Variants in TMTC2 observed in about 807,000 individuals in gnomAD.
TMTC2 encodes the protein transmembrane O-mannosyltransferase targeting cadherins 2.
Under a neutral mutation model 82.4 loss-of-function variants are expected in TMTC2, and 43 were observed. The observed-to-expected ratio is 0.52, with a 90% CI of 0.41 to 0.67. The LOEUF (loss-of-function observed/expected upper bound fraction) is 0.67, where lower values mean the gene tolerates loss of function less well. Among genes scored for constraint, TMTC2 ranks in the 30% least tolerant of loss-of-function variants. The pLI, the probability that TMTC2 is intolerant of heterozygous loss-of-function variation, is 0.00. For synonymous variants in TMTC2, 408 were observed against 381.9 expected (o/e 1.07, Z -0.80); for missense variants, 919 against 1,012.4 (o/e 0.91, Z 1.25).
chr12:82,992,163 C>T (rs1231426794), intron 8 of TMTC2, among the ~76,000 whole-genome samples: 2 of 152,132 alleles, frequency 1.3e-5, no homozygotes, highest in African/African-American at 4.8e-5. Flanking sequence ...ACAGAAAAGT[C>T]CCATACCCCA....
At chr12:82,909,405 T>C (rs1279097329) in intron 3 of TMTC2, among the ~76,000 whole-genome samples, 1 of 152,160 alleles carries the variant, frequency 6.6e-6, no homozygotes, top group Non-Finnish European at 1.5e-5. Context: ...AGTGGTGCGA[T>C]CTCGGATCAC....
intron 3 of TMTC2, among the ~76,000 whole-genome samples, chr12:82,925,025 C>T (rs1716389283): frequency 6.6e-6 from 1 of 152,158 alleles, no homozygotes; most frequent in Non-Finnish European, 1.5e-5. Flanking sequence ...CTGGAAACAT[C>T]AAGTTCATTT....
At chr12:83,111,191 T>C (rs1023632395) in intron 11 of TMTC2, among the ~76,000 whole-genome samples, 33 of 152,244 alleles carry the variant, frequency 2.2e-4, no homozygotes, top group African/African-American at 8.0e-4. Context: ...ATGATGCACT[T>C]TGTGCAACTC....
At chr12:83,042,230 A>G (rs1009899521) in intron 9 of TMTC2, among the ~76,000 whole-genome samples, 7 of 152,176 alleles carry the variant, frequency 4.6e-5, no homozygotes, top group African/African-American at 9.7e-5. Flanking sequence ...CTCCATTCTC[A>G]TTACTGCTCT....
Position 82,845,144 on chromosome 12 carries a change from G to A in TMTC2, c.84-11866G>A, listed in dbSNP as rs572982232. On this transcript the variant is annotated intron_variant, in intron 1 of 11. Coordinates refer to ENST00000321196, the MANE Select transcript of TMTC2 (RefSeq NM_152588.3). ...CTTGGGAGGCTGAGACAGGAGAATC[G>A]CTTGAACCTGGGAGACAGAGGTTGC... 1.7e-3 allele frequency among the ~76,000 whole-genome samples: 240 copies of A among 141,254 alleles called. 2 individuals carry two copies. Among genetic ancestry groups the A allele is most frequent in the African/African-American group, 6.2e-3 (231 of 37,506 alleles). The allele number at this position is 141,254 out of a possible 152,430, so 92.7% of individuals were successfully genotyped here.
At chr12:82,910,969 C>T (rs943746950) in intron 3 of TMTC2, among the ~76,000 whole-genome samples, 2 of 152,078 alleles carry the variant, frequency 1.3e-5, no homozygotes, top group Admixed American at 6.5e-5. Context: ...CAACCTCCAC[C>T]ACCCGGTTTC....
intron 1 of TMTC2, among the ~76,000 whole-genome samples, chr12:82,734,449 A>C (rs1874985627): frequency 6.6e-6 from 1 of 152,172 alleles, no homozygotes; most frequent in Non-Finnish European, 1.5e-5. Flanking sequence ...TTCCTACTCA[A>C]GTGCCAACCC....
At chr12:82,940,519 G>A (rs891859340) in intron 4 of TMTC2, among the ~76,000 whole-genome samples, 3 of 150,684 alleles carry the variant, frequency 2.0e-5, no homozygotes, top group Non-Finnish European at 3.0e-5. Flanking sequence ...CTAGATATGC[G>A]TAATTTCAAT....
chr12:83,122,840 G>A (rs562841981), intron 11 of TMTC2, among the ~76,000 whole-genome samples: 19 of 152,220 alleles, frequency 1.2e-4, no homozygotes, highest in African/African-American at 3.6e-4. Flanking sequence ...CCTGCCTCCC[G>A]TCTGCCATGA....
intron 9 of TMTC2, among the ~76,000 whole-genome samples, chr12:83,033,516 G>C (rs989082867): frequency 3.9e-5 from 6 of 152,244 alleles, no homozygotes; most frequent in Admixed American, 1.3e-4. Context: ...ACTTTGGGAG[G>C]CCGAGGCGGG....
At chr12:82,966,860 C>A in intron 6 of TMTC2, 59 bp from the exon 7 acceptor site, 1 of 1,231,718 alleles carries the variant, frequency 8.1e-7, no homozygotes, top group South Asian at 1.3e-5. Flanking sequence ...ATCTTATTTT[C>A]AGTGACGATC....
At chr12:82,877,718 T>G (rs7299821) in intron 2 of TMTC2, among the ~76,000 whole-genome samples, 1 of 152,056 alleles carries the variant, frequency 6.6e-6, no homozygotes, top group African/African-American at 2.4e-5. Flanking sequence ...TCATAGTTCA[T>G]GTATATTTAA....
At chr12:83,078,797 ACT>A (rs1883371277) in intron 11 of TMTC2, among the ~76,000 whole-genome samples, 1 of 152,054 alleles carries the variant, frequency 6.6e-6, no homozygotes, top group Non-Finnish European at 1.5e-5. Context: ...TACTGAAATG[ACT>A]CTGAGATGCT....
intron 8 of TMTC2, among the ~76,000 whole-genome samples, chr12:83,028,179 A>AAT (rs898183509): frequency 1.1e-4 from 16 of 152,194 alleles, no homozygotes; most frequent in Admixed American, 5.2e-4. Context: ...CACACTGTCG[A>AAT]ATATATATAT....
intron 8 of TMTC2, among the ~76,000 whole-genome samples, chr12:82,987,945 C>T (rs1259424077): frequency 6.6e-6 from 1 of 152,038 alleles, no homozygotes; most frequent in Non-Finnish European, 1.5e-5. Flanking sequence ...TTGAATTTAC[C>T]TACATGACCC....
chr12:82,734,499 C>T (rs1488162531), intron 1 of TMTC2, among the ~76,000 whole-genome samples: 1 of 152,194 alleles, frequency 6.6e-6, no homozygotes, highest in Non-Finnish European at 1.5e-5. Flanking sequence ...GCATCCTTCT[C>T]TTGCTTTGAA....
intron 11 of TMTC2, among the ~76,000 whole-genome samples, chr12:83,110,478 A>G (rs963587927): frequency 3.3e-5 from 5 of 151,660 alleles, no homozygotes; most frequent in Admixed American, 1.3e-4. Context: ...ATAGCTTTCC[A>G]TTTTCATTTC....
intron 3 of TMTC2, among the ~76,000 whole-genome samples, chr12:82,900,711 G>T (rs984963075): frequency 7.6e-6 from 1 of 132,114 alleles, no homozygotes; most frequent in Admixed American, 8.0e-5. Flanking sequence ...TATATCTCTG[G>T]AATATATATA....
chr12:82,809,425 T>C (rs1879388345), intron 1 of TMTC2, among the ~76,000 whole-genome samples: 1 of 152,128 alleles, frequency 6.6e-6, no homozygotes, highest in African/African-American at 2.4e-5. Context: ...GTCCTCTGGG[T>C]ACAGTTTTGT....
Sources: allele counts gnomAD v4.1 joint callset (sites outside exome capture counted in the v4.1 genomes callset), GRCh38; gene constraint gnomAD v4.1.1; transcripts MANE v1.5; gene names NCBI Gene and HGNC (gene_info 2026-07-23, HGNC 2026-07-21).